CYFIP2: variants seen among roughly 807,000 people sequenced by gnomAD.
CYFIP2 encodes cytoplasmic FMR1-interacting protein 2.
Under a neutral mutation model 158.7 loss-of-function variants are expected in CYFIP2, and 29 were observed. The observed-to-expected ratio is 0.18, with a 90% CI of 0.14 to 0.25. The LOEUF (loss-of-function observed/expected upper bound fraction) is 0.25, where lower values mean the gene tolerates loss of function less well. Among genes scored for constraint, CYFIP2 ranks in the 10% least tolerant of loss-of-function variants. The pLI, the probability that CYFIP2 is intolerant of heterozygous loss-of-function variation, is 1.00. For synonymous variants in CYFIP2, 585 were observed against 617.6 expected (o/e 0.95, Z 0.78); for missense variants, 852 against 1,639.5 (o/e 0.52, Z 8.29).
At chr5:157,270,378 A>G (rs372301783) in intron 1 of CYFIP2, among the ~76,000 whole-genome samples, 3 of 152,188 alleles carry the variant, frequency 2.0e-5, no homozygotes, top group Admixed American at 6.5e-5. Flanking sequence ...AGGGTTTGGA[A>G]CAGTTGCCTA....
At chr5:157,269,289 G>A (rs1397149598) in intron 1 of CYFIP2, 1 of 152,122 alleles carries the variant, frequency 6.6e-6, no homozygotes, top group African/African-American at 2.4e-5. Context: ...GTAGGGAGAA[G>A]TGGGAGGGAA....
In CYFIP2 at chr5:157,363,361, T is replaced by C. The variant is rs568200230; in HGVS notation, c.3039+1763T>C. The C allele has an allele frequency of 2.6e-5, 4 of 152,316 alleles. No homozygotes were observed. The South Asian group carries it at 8.3e-4, about 32-fold the overall frequency. The allele number at this position is 152,316 out of a possible 1,614,324, so 9.4% of individuals were successfully genotyped here. On this transcript the variant is annotated intron_variant, in intron 26 of 30. Transcript: ENST00000620254. ...CTTCATTGCCAGGAGCAGTTCTAGG[T>C]TGTGGATAAATGGTCATGAATAAGA... is the stretch of plus-strand genomic sequence containing the variant.
intron 23 of CYFIP2, chr5:157,343,457 T>C (rs1459629868): frequency 3.7e-6 from 6 of 1,612,616 alleles, no homozygotes; most frequent in Non-Finnish European, 5.1e-6. Flanking sequence ...AATATGGTAA[T>C]AGTCCTCCAG....
At chr5:157,356,379 G>A (rs1423324878) in intron 23 of CYFIP2, among the ~76,000 whole-genome samples, 1 of 152,160 alleles carries the variant, frequency 6.6e-6, no homozygotes, top group Non-Finnish European at 1.5e-5. Flanking sequence ...TATCATATTG[G>A]CGGTTAGGAT....
intron 26 of CYFIP2, chr5:157,362,684 C>G (rs1763944234): frequency 6.6e-6 from 1 of 152,282 alleles, no homozygotes; most frequent in Non-Finnish European, 1.5e-5. Context: ...CCAGCCCTGC[C>G]TCCTGTCCTG....
intron 23 of CYFIP2, among the ~76,000 whole-genome samples, chr5:157,350,756 A>G (rs1763012885): frequency 6.6e-6 from 1 of 152,256 alleles, no homozygotes; most frequent in African/African-American, 2.4e-5. Context: ...CTACCCATCC[A>G]TGAGCATGGG....
chr5:157,326,632 G>C (rs1351264954), intron 18 of CYFIP2, among the ~76,000 whole-genome samples: 1 of 152,214 alleles, frequency 6.6e-6, no homozygotes, highest in South Asian at 2.1e-4. Context: ...CCCTCAGAGG[G>C]GAAGCCAGGG....
Position 157,358,086 on chromosome 5 carries a change from A to G in CYFIP2, c.2674-919A>G, listed in dbSNP as rs73815860. Among the ~76,000 whole-genome samples the G allele has an allele frequency of 2.7e-3, 412 of 152,280 alleles. 4 individuals are homozygous for G. The highest frequency in any genetic ancestry group is 8.9e-3 in the African/African-American group (368 of 41,554). ...GTGGATTAAACAATAGTGCACCTGG[A>G]GGGTTTCACAAAGCCTGGCATTAGG... is the stretch of plus-strand genomic sequence containing the variant. On this transcript the variant is annotated intron_variant, in intron 23 of 30. Coordinates refer to ENST00000620254, the MANE Select transcript of CYFIP2 (RefSeq NM_001037333.3).
intron 26 of CYFIP2, chr5:157,364,589 A>ATCCCAGTCCTTGGGGGC (rs1764191719): frequency 6.6e-6 from 1 of 152,190 alleles, no homozygotes; most frequent in East Asian, 1.9e-4. Context: ...TCCAATATTG[A>ATCCCAGTCCTTGGGGGC]TCCCAGTCCT....
chr5:157,338,250 A>T (rs1265230924), intron 21 of CYFIP2, among the ~76,000 whole-genome samples: 1 of 152,226 alleles, frequency 6.6e-6, no homozygotes, highest in African/African-American at 2.4e-5. Flanking sequence ...CAGGGCCCAC[A>T]GTGCACATAG....
intron 5 of CYFIP2, among the ~76,000 whole-genome samples, chr5:157,298,650 A>G (rs932810703): frequency 2.0e-5 from 3 of 151,844 alleles, no homozygotes; most frequent in Admixed American, 6.6e-5. Flanking sequence ...CCGGCCCACA[A>G]TCAATTTTAG....
At position 157,394,010 on chromosome 5, in the gene CYFIP2, T is replaced by C; in HGVS notation, c.*1010T>C. ...AGGAATAGTAATTGTCAATGAGCTT[T>C]TAATACCAAGATACACCCCCTGCCC... On this transcript the variant is annotated 3_prime_UTR_variant, in exon 31 of 31. Transcript: ENST00000620254. The C allele has an allele frequency of 6.6e-6, 1 of 152,188 alleles. No individual in the cohort carries two copies. Among genetic ancestry groups the C allele is most frequent in the Non-Finnish European group, 1.5e-5 (1 of 68,040 alleles). 9.4% of individuals were successfully genotyped at this position (152,188 alleles called of 1,614,324 possible). A position where few individuals can be genotyped will look rare whatever the true frequency, so the allele number is the denominator to read the frequency against.
At chr5:157,287,182 CCAGAGG>C in intron 3 of CYFIP2, 74 bp downstream of exon 3, 1 of 1,199,388 alleles carries the variant, frequency 8.3e-7, no homozygotes, top group Non-Finnish European at 1.2e-6. Flanking sequence ...GCTTCTCACA[CCAGAGG>C]CATGTGCTCA....
In CYFIP2 at chr5:157,311,481, C is replaced by G; in HGVS notation, c.993-183C>G. The G allele has an allele frequency of 3.3e-6, 2 of 602,780 alleles. No homozygotes were observed. The highest frequency in any genetic ancestry group is 6.0e-6 in the Non-Finnish European group (2 of 334,966). The allele number at this position is 602,780 out of a possible 1,614,324, so 37.3% of individuals were successfully genotyped here. ...CAAAGAGGAGGAGGAAGGACTGTTC[C>G]ATTAGGCCTGAAGCTCCCACAGTGT... On this transcript the variant is annotated intron_variant, in intron 10 of 30. Transcript: ENST00000620254. The surrounding 1 kb of genome is among the most constrained non-coding windows in gnomAD (Gnocchi z 4.7).
At chr5:157,301,816 A>G (rs1269103947) in intron 6 of CYFIP2, among the ~76,000 whole-genome samples, 2 of 152,162 alleles carry the variant, frequency 1.3e-5, no homozygotes, top group African/African-American at 2.4e-5. Flanking sequence ...GAGTCATTCC[A>G]GAAACCAGTA....
At position 157,361,726 on chromosome 5, in the gene CYFIP2, C is replaced by G; in HGVS notation, c.3039+128C>G. 5 of 1,168,036 alleles carry G rather than the reference C, an allele frequency of 4.3e-6. No homozygotes were observed. The highest frequency in any genetic ancestry group is 6.0e-6 in the Non-Finnish European group (5 of 838,848). The allele number at this position is 1,168,036 out of a possible 1,614,324, so 72.4% of individuals were successfully genotyped here. ...ACAAGCTCACATGCTCTTTTCAGTTCATTTCCAGACAGACATGGATTCTAG... is the reference window on the plus strand; with the variant it reads ...ACAAGCTCACATGCTCTTTTCAGTTGATTTCCAGACAGACATGGATTCTAG... On this transcript the variant is annotated intron_variant, in intron 26 of 30. Coordinates refer to ENST00000620254, the MANE Select transcript of CYFIP2 (RefSeq NM_001037333.3). This position sits in a 1 kb window ranked among gnomAD's most constrained non-coding sequence, Gnocchi z 4.4.
chr5:157,288,657 G>A (rs1180964913), intron 3 of CYFIP2: 7 of 455,526 alleles, frequency 1.5e-5, no homozygotes, highest in Admixed American at 1.2e-4. Context: ...TCAACCCTGT[G>A]AGGTAGGTTC....
intron 26 of CYFIP2, chr5:157,364,476 C>G (rs912715400): frequency 3.3e-5 from 5 of 152,338 alleles, no homozygotes; most frequent in African/African-American, 1.2e-4. Context: ...CTTTCAACCC[C>G]TTCTATTCAT....
At chr5:157,360,514 T>G in intron 25 of CYFIP2, 142 bp downstream of exon 25, 2 of 637,754 alleles carry the variant, frequency 3.1e-6, no homozygotes, top group Non-Finnish European at 5.4e-6. Flanking sequence ...ACTAGCTAGA[T>G]AGCCTTTTAA....
Sources: allele counts gnomAD v4.1 joint callset (sites outside exome capture counted in the v4.1 genomes callset), GRCh38; gene constraint gnomAD v4.1.1; non-coding constraint Gnocchi (gnomAD v3.1); transcripts MANE v1.5; gene names NCBI Gene and HGNC (gene_info 2026-07-23, HGNC 2026-07-21).